Variants in NUCB2 observed in about 807,000 individuals in gnomAD.
The protein encoded by NUCB2 is nucleobindin 2.
Under a neutral mutation model 57.9 loss-of-function variants are expected in NUCB2, and 48 were observed. The observed-to-expected ratio is 0.83, with a 90% CI of 0.66 to 1.05. NUCB2 has a LOEUF of 1.05. Among genes scored for constraint, NUCB2 ranks in the 50% least tolerant of loss-of-function variants. NUCB2 has a pLI of 0.00. For missense variants in NUCB2, 442 were observed against 476.2 expected (o/e 0.93, Z 0.67); for synonymous variants, 139 against 152.1 (o/e 0.91, Z 0.64).
chr11:17,325,024 A>G (rs899921994), intron 11 of NUCB2, among the ~76,000 whole-genome samples: 19 of 152,112 alleles, frequency 1.2e-4, no homozygotes, highest in African/African-American at 9.6e-5. Flanking sequence ...GCTGGTCTTG[A>G]ACTCCTGACT....
chr11:17,315,903 T>G (rs1949175903), intron 11 of NUCB2, among the ~76,000 whole-genome samples: 1 of 152,130 alleles, frequency 6.6e-6, no homozygotes. Context: ...AACAATGTAT[T>G]GTCTCATTTT....
intron 5 of NUCB2, among the ~76,000 whole-genome samples, chr11:17,302,555 C>A (rs918936761): frequency 5.3e-5 from 8 of 151,982 alleles, no homozygotes; most frequent in Admixed American, 2.0e-4. Context: ...CAGACCATTT[C>A]TTTTCTTTCT....
intron 11 of NUCB2, among the ~76,000 whole-genome samples, chr11:17,322,671 G>C (rs1473721086): frequency 1.3e-5 from 2 of 152,044 alleles, no homozygotes; most frequent in African/African-American, 4.8e-5. Flanking sequence ...AGACTGCTTT[G>C]GGGAGTATGG....
chr11:17,340,803 G>A (rs1316242281), intron 2 of NUCB2, among the ~76,000 whole-genome samples: 1 of 152,118 alleles, frequency 6.6e-6, no homozygotes, highest in Non-Finnish European at 1.5e-5. Flanking sequence ...TTGGCAATGT[G>A]GGCTCTTTTT....
chr11:17,301,933 C>T, intron 5 of NUCB2, 63 bp downstream of exon 5: 1 of 1,443,598 alleles, frequency 6.9e-7, no homozygotes, highest in Admixed American at 1.9e-5. Flanking sequence ...AGCGTTTTAC[C>T]CTGTGGTTCA....
chr11:17,327,007 C>T (rs1287683118), intron 11 of NUCB2, among the ~76,000 whole-genome samples: 2 of 151,738 alleles, frequency 1.3e-5, no homozygotes, highest in African/African-American at 4.8e-5. Flanking sequence ...ATTTTTTTTC[C>T]TGTCAGTACT....
At chr11:17,278,239 G>A (rs541706427) in intron 1 of NUCB2, 2 of 135,026 alleles carry the variant, frequency 1.5e-5, no homozygotes, top group East Asian at 2.3e-4. Flanking sequence ...GCAATGGCCC[G>A]ATCTCAGCTC....
intron 2 of NUCB2, among the ~76,000 whole-genome samples, chr11:17,290,826 G>A (rs1331846516): frequency 6.6e-6 from 1 of 152,060 alleles, no homozygotes; most frequent in East Asian, 1.9e-4. Context: ...AAGGTGAATA[G>A]TGGTTCATGA....
chr11:17,294,712 G>T (rs184190), intron 2 of NUCB2, among the ~76,000 whole-genome samples: 1 of 144,188 alleles, frequency 6.9e-6, no homozygotes, highest in Admixed American at 7.1e-5. Flanking sequence ...GCCATGGCTA[G>T]ATTGAAGCTT....
rs1256324833 is a variant in NUCB2 at position 17,295,315 on chromosome 11, T to G, written c.1-9T>G. ...TCATGACTTTACCATAATTACTCCT[T>G]TATTTCAGATGAGGTGGAGGACCAT... On this transcript the variant is annotated splice_polypyrimidine_tract_variant and intron_variant, in intron 2 of 13. Coordinates refer to ENST00000529010, the MANE Select transcript of NUCB2 (RefSeq NM_005013.4). 6 of 1,603,242 alleles carry G rather than the reference T, an allele frequency of 3.7e-6. No individual in the cohort carries two copies. Among genetic ancestry groups the G allele is most frequent in the Non-Finnish European group, 5.1e-6 (6 of 1,175,500 alleles).
intron 2 of NUCB2, among the ~76,000 whole-genome samples, chr11:17,288,842 A>C (rs1370671950): frequency 7.2e-6 from 1 of 139,800 alleles, no homozygotes; most frequent in Non-Finnish European, 1.5e-5. Context: ...GGCATGAGCC[A>C]CCGTGCCTGG....
Position 17,309,586 on chromosome 11 carries a change from C to G in NUCB2, c.394C>G (p.His132Asp). ...TTTTCTTTCAGATATAGGCATGGAC[C>G]ACCAAGCTCTTCTAAAACAATTTGA... ...LDSLQDIGMD[H>D]QALLKQFDHL... The change falls in exon 6 of 14, where the codon CAC (histidine) becomes GAC (aspartate). Residue 132 changes from histidine to aspartate, a missense_variant. By Grantham distance (81) the His-to-Asp change is moderately conservative. Coordinates refer to ENST00000529010, the MANE Select transcript of NUCB2 (RefSeq NM_005013.4). 6.3e-7 allele frequency: 1 copy of G among 1,592,224 alleles called. No homozygotes were observed.
rs1321140779 is a variant in NUCB2 at position 17,288,950 on chromosome 11, C to CAT, written c.-1+6020_-1+6021dup. ...ACACACACACACACACACACACACA[C>CAT]ATATATATATATATTTTTTTTTTTT... On this transcript the variant is annotated intron_variant, in intron 2 of 13. Coordinates refer to ENST00000529010, the MANE Select transcript of NUCB2 (RefSeq NM_005013.4). Among the ~76,000 whole-genome samples, 44 of 33,164 alleles carry CAT rather than the reference C, an allele frequency of 1.3e-3. 8 individuals are homozygous for CAT. The highest frequency in any genetic ancestry group is 1.8e-3 in the Non-Finnish European group (37 of 20,806). The allele number at this position is 33,164 out of a possible 152,430, so 21.8% of individuals were successfully genotyped here.
chr11:17,330,320 T>C lies in NUCB2; in HGVS notation c.1173+23T>C. 6.4e-7 allele frequency: 1 copy of C among 1,568,546 alleles called. No homozygotes were observed. Among genetic ancestry groups the C allele is most frequent in the Non-Finnish European group, 8.6e-7 (1 of 1,162,206 alleles). On this transcript the variant is annotated intron_variant, in intron 12 of 13. Transcript: ENST00000529010. This position sits in a 1 kb window ranked among gnomAD's most constrained non-coding sequence, Gnocchi z 4.3. Reference sequence around the variant, plus strand: ...CAGGTGGCATTTTGTCAAAAGATTATGGCATTAAAAAGATTTTAGGTGCTT... The same window carrying C: ...CAGGTGGCATTTTGTCAAAAGATTACGGCATTAAAAAGATTTTAGGTGCTT...
intron 2 of NUCB2, among the ~76,000 whole-genome samples, chr11:17,293,253 C>CAA (rs35448937): frequency 9.5e-6 from 1 of 105,068 alleles, no homozygotes; most frequent in African/African-American, 3.5e-5. Flanking sequence ...GACTCTGTCT[C>CAA]AAAAAAAAAA....
intron 2 of NUCB2, among the ~76,000 whole-genome samples, chr11:17,284,853 A>G (rs555495499): frequency 3.9e-5 from 6 of 152,302 alleles, no homozygotes; most frequent in African/African-American, 9.6e-5. Flanking sequence ...AAAAATTGCA[A>G]TTGTATTTAA....
At chr11:17,301,431 C>T (rs994819262) in intron 4 of NUCB2, among the ~76,000 whole-genome samples, 2 of 151,650 alleles carry the variant, frequency 1.3e-5, no homozygotes, top group African/African-American at 2.4e-5. Flanking sequence ...AGGCGTGTGT[C>T]ACCATGCCCA....
intron 2 of NUCB2, among the ~76,000 whole-genome samples, chr11:17,292,020 CT>C (rs1045045662): frequency 6.6e-6 from 1 of 150,698 alleles, no homozygotes; most frequent in African/African-American, 2.4e-5. Flanking sequence ...AGCAGCTTTT[CT>C]TTTTTTTTAA....
Position 17,313,249 on chromosome 11 carries a change from G to T in NUCB2, c.912+1129G>T, listed in dbSNP as rs578113761. 9.9e-5 allele frequency among the ~76,000 whole-genome samples: 15 copies of T among 151,030 alleles called. 1 individual carries two copies. The South Asian group carries it at 3.1e-3, about 31-fold the overall frequency. Reference sequence around the variant, plus strand: ...TCAGGTATAAAACTTTTTTTTTTGGGCTGGGCATGATAGCTCATGCCTATA... The same window carrying T: ...TCAGGTATAAAACTTTTTTTTTTGGTCTGGGCATGATAGCTCATGCCTATA... On this transcript the variant is annotated intron_variant, in intron 10 of 13. Transcript: ENST00000529010.
Sources: allele counts gnomAD v4.1 joint callset (sites outside exome capture counted in the v4.1 genomes callset), GRCh38; gene constraint gnomAD v4.1.1; non-coding constraint Gnocchi (gnomAD v3.1); transcripts MANE v1.5; gene names NCBI Gene and HGNC (gene_info 2026-07-23, HGNC 2026-07-21).